NYAP2: variants seen among roughly 807,000 people sequenced by gnomAD.
The protein encoded by NYAP2 is neuronal tyrosine-phosphorylated phosphoinositide-3-kinase adaptor 2, also known as neuronal tyrosine-phosphorylated phosphoinositide-3-kinase adapter 2.
NYAP2 carries 23 observed loss-of-function variants against 50.4 expected under a neutral mutation model. That is an observed-to-expected ratio of 0.46 (90% CI 0.33 to 0.65). NYAP2 has a LOEUF of 0.65. Ranked by LOEUF, NYAP2 falls within the 30% of genes least tolerant of loss-of-function variation. The pLI is 0.02. For synonymous variants in NYAP2, 394 were observed against 365.2 expected (o/e 1.08, Z -0.90); for missense variants, 885 against 861.0 (o/e 1.03, Z -0.35).
intron 5 of NYAP2, among the ~76,000 whole-genome samples, chr2:225,621,440 A>C (rs1394291436): frequency 1.3e-5 from 2 of 152,208 alleles, no homozygotes; most frequent in African/African-American, 4.8e-5. Context: ...TCTTAGAGAC[A>C]GAAAGTAGAG....
intron 3 of NYAP2, among the ~76,000 whole-genome samples, chr2:225,443,286 C>T (rs534006883): frequency 6.6e-6 from 1 of 152,244 alleles, no homozygotes; most frequent in South Asian, 2.1e-4. Context: ...GAGGTAATTA[C>T]CAATCTGACA....
At chr2:225,669,916 ACCT>A in the NYAP2 span, among the ~76,000 whole-genome samples, 1 of 152,102 alleles carries the variant, frequency 6.6e-6, no homozygotes, top group Non-Finnish European at 1.5e-5. Context: ...GTGTGAGCAC[ACCT>A]CCTCCAAGGA....
intron 4 of NYAP2, among the ~76,000 whole-genome samples, chr2:225,517,853 T>C (rs1346415693): frequency 6.6e-6 from 1 of 152,056 alleles, no homozygotes; most frequent in Non-Finnish European, 1.5e-5. Flanking sequence ...CTAGAGAGGA[T>C]GTGGGGAAAA....
intron 4 of NYAP2, among the ~76,000 whole-genome samples, chr2:225,516,113 C>T (rs1412728504): frequency 2.6e-5 from 4 of 152,096 alleles, no homozygotes; most frequent in Admixed American, 6.6e-5. Context: ...TACTGTCCCA[C>T]AGAAGAAAAA....
chr2:225,613,101 G>A (rs1183394678), intron 5 of NYAP2, among the ~76,000 whole-genome samples: 2 of 152,128 alleles, frequency 1.3e-5, no homozygotes. Context: ...CTCACGATAG[G>A]CTGGCTGCAA....
At chr2:225,557,701 C>A (rs1691803878) in intron 4 of NYAP2, among the ~76,000 whole-genome samples, 1 of 152,092 alleles carries the variant, frequency 6.6e-6, no homozygotes, top group Admixed American at 6.6e-5. Context: ...GGTCACAATA[C>A]CAAAAGAATC....
chr2:225,661,726 CTTT>C, the NYAP2 span, among the ~76,000 whole-genome samples: 1 of 145,158 alleles, frequency 6.9e-6, no homozygotes, highest in East Asian at 2.0e-4. Context: ...TTTGCTCTCT[CTTT>C]TTTTTTTTTT....
intron 3 of NYAP2, among the ~76,000 whole-genome samples, chr2:225,416,638 T>C (rs966467018): frequency 1.3e-5 from 2 of 152,196 alleles, no homozygotes; most frequent in Non-Finnish European, 2.9e-5. Flanking sequence ...AAAAAGTTCC[T>C]TTAAAGGTGC....
intron 3 of NYAP2, among the ~76,000 whole-genome samples, chr2:225,416,192 A>G (rs897912911): frequency 3.9e-5 from 6 of 152,164 alleles, no homozygotes; most frequent in Non-Finnish European, 7.4e-5. Context: ...TTATGTAAAA[A>G]TCATGCATCC....
At chr2:225,477,488 G>A (rs1323289488) in intron 3 of NYAP2, among the ~76,000 whole-genome samples, 3 of 151,766 alleles carry the variant, frequency 2.0e-5, no homozygotes, top group South Asian at 4.2e-4. Flanking sequence ...CGCCTGCCTC[G>A]GCCTCCCAAA....
chr2:225,571,881 C>A (rs937581866), intron 4 of NYAP2, among the ~76,000 whole-genome samples: 1 of 152,176 alleles, frequency 6.6e-6, no homozygotes, highest in Non-Finnish European at 1.5e-5. Flanking sequence ...ATTTTCCAAA[C>A]TTTTATTCTC....
At chr2:225,414,210 C>T (rs1299230532) in intron 3 of NYAP2, among the ~76,000 whole-genome samples, 6 of 152,180 alleles carry the variant, frequency 3.9e-5, no homozygotes, top group Non-Finnish European at 8.8e-5. Context: ...GGATTTTACT[C>T]AAAAGTCTGG....
chr2:225,434,974 T>A (rs1689352058), intron 3 of NYAP2, among the ~76,000 whole-genome samples: 1 of 152,250 alleles, frequency 6.6e-6, no homozygotes, highest in Non-Finnish European at 1.5e-5. Context: ...AAAGCTATTG[T>A]GCAACTAGCT....
intron 6 of NYAP2, among the ~76,000 whole-genome samples, chr2:225,649,392 T>C (rs770754908): frequency 6.6e-6 from 1 of 152,240 alleles, no homozygotes; most frequent in Non-Finnish European, 1.5e-5. Context: ...TCAGTCCTTT[T>C]GGCAGGTGTT....
intron 5 of NYAP2, among the ~76,000 whole-genome samples, chr2:225,623,000 A>G (rs932832448): frequency 2.0e-5 from 3 of 152,210 alleles, no homozygotes; most frequent in Non-Finnish European, 4.4e-5. Context: ...TTGCTTCATC[A>G]TTAATGATTA....
intron 4 of NYAP2, among the ~76,000 whole-genome samples, chr2:225,525,374 C>T (rs1691133375): frequency 6.6e-6 from 1 of 152,134 alleles, no homozygotes. Context: ...ACCTAAGTGT[C>T]CATCAATGGA....
chr2:225,408,051 C>T (rs934543738), intron 2 of NYAP2, among the ~76,000 whole-genome samples: 1 of 151,852 alleles, frequency 6.6e-6, no homozygotes, highest in Non-Finnish European at 1.5e-5. Context: ...CATCATTTTA[C>T]AGTTGAGAGT....
chr2:225,419,653 C>T (rs760716776), intron 3 of NYAP2, among the ~76,000 whole-genome samples: 4 of 152,096 alleles, frequency 2.6e-5, no homozygotes, highest in South Asian at 2.1e-4. Context: ...GCACAACTAG[C>T]GGGGTAGTCA....
rs191013207 is a variant in NYAP2 at position 225,605,940 on chromosome 2, A to T, written c.1619-20977A>T. Among the ~76,000 whole-genome samples the T allele has an allele frequency of 2.4e-3, 360 of 152,246 alleles. 1 individual carries two copies. The highest frequency in any genetic ancestry group is 8.1e-3 in the African/African-American group (335 of 41,570). On this transcript the variant is annotated intron_variant, in intron 5 of 6. Coordinates refer to ENST00000636099, the Ensembl canonical transcript of NYAP2. Reference sequence around the variant, plus strand: ...ACCAAAAATATGTTAAGTGTTGCTAAAAACTTTCCGTAATATAAAACAGTG... The same window carrying T: ...ACCAAAAATATGTTAAGTGTTGCTATAAACTTTCCGTAATATAAAACAGTG...
Sources: gnomAD v4.1 joint callset for allele counts (sites outside exome capture counted in the v4.1 genomes callset) on GRCh38, gnomAD v4.1.1 for gene constraint, MANE v1.5 for transcripts, NCBI Gene and HGNC (gene_info 2026-07-23, HGNC 2026-07-21) for gene names.